Variants in RNLS observed in about 807,000 individuals in gnomAD.
RNLS encodes renalase, FAD dependent amine oxidase, also known as renalase.
Under a neutral mutation model 39.8 loss-of-function variants are expected in RNLS, and 39 were observed. The observed-to-expected ratio is 0.98, with a 90% CI of 0.76 to 1.28. RNLS has a LOEUF of 1.28. RNLS is among the 50% of genes most tolerant of loss of function. RNLS has a pLI of 0.00. For synonymous variants in RNLS, 147 were observed against 150.7 expected (o/e 0.98, Z 0.18); for missense variants, 410 against 413.3 (o/e 0.99, Z 0.07).
chr10:88,540,871 G>T (rs574720306), intron 4 of RNLS, among the ~76,000 whole-genome samples: 5 of 151,358 alleles, frequency 3.3e-5, no homozygotes, highest in African/African-American at 1.2e-4. Flanking sequence ...TTACTACAAA[G>T]AAAGATAATT....
intron 6 of RNLS, among the ~76,000 whole-genome samples, chr10:88,302,379 A>C (rs1388434743): frequency 6.6e-6 from 1 of 152,214 alleles, no homozygotes; most frequent in Non-Finnish European, 1.5e-5. Context: ...GTTGTCTTTC[A>C]AAGTACTTAT....
At position 88,575,379 on chromosome 10, in the gene RNLS, T is replaced by C. The variant is rs111846521; in HGVS notation, c.368-2318A>G. On this transcript the variant is annotated intron_variant, in intron 3 of 6. Coordinates refer to ENST00000331772, the MANE Select transcript of RNLS (RefSeq NM_001031709.3). ...ACATTCCTGGGCCCCAACCCGACCA[T>C]ACTGAATAAGAAACTCTGGGAATTG... Among the ~76,000 whole-genome samples the C allele has an allele frequency of 7.5e-4, 113 of 151,230 alleles. 1 individual carries two copies. Among genetic ancestry groups the C allele is most frequent in the African/African-American group, 2.7e-3 (110 of 41,176 alleles).
intron 4 of RNLS, among the ~76,000 whole-genome samples, chr10:88,454,689 G>T (rs1403861732): frequency 6.6e-6 from 1 of 152,188 alleles, no homozygotes; most frequent in Non-Finnish European, 1.5e-5. Flanking sequence ...ACATATTAAA[G>T]TCAATTACAA....
intron 4 of RNLS, among the ~76,000 whole-genome samples, chr10:88,565,640 A>G (rs1849448278): frequency 6.6e-6 from 1 of 152,092 alleles, no homozygotes; most frequent in Admixed American, 6.5e-5. Flanking sequence ...TTTTCATCAT[A>G]AAGAGCCTAC....
At chr10:88,437,455 G>A (rs1841475557) in intron 4 of RNLS, among the ~76,000 whole-genome samples, 1 of 152,082 alleles carries the variant, frequency 6.6e-6, no homozygotes, top group African/African-American at 2.4e-5. Context: ...TACAATCATT[G>A]TATCCAAGCT....
chr10:88,419,182 A>C (rs1457872378), intron 4 of RNLS, among the ~76,000 whole-genome samples: 1 of 152,206 alleles, frequency 6.6e-6, no homozygotes, highest in Admixed American at 6.5e-5. Context: ...CCTCCCACCC[A>C]CAGACATACT....
intron 5 of RNLS, among the ~76,000 whole-genome samples, chr10:88,342,805 A>T (rs1345481440): frequency 6.6e-6 from 1 of 152,124 alleles, no homozygotes; most frequent in Non-Finnish European, 1.5e-5. Flanking sequence ...GAGGAAAGAG[A>T]GGTGTGACTG....
At chr10:88,381,115 G>A (rs940455931) in intron 4 of RNLS, among the ~76,000 whole-genome samples, 1 of 152,066 alleles carries the variant, frequency 6.6e-6, no homozygotes, top group African/African-American at 2.4e-5. Flanking sequence ...AAATATCTTT[G>A]CAGATTTTAA....
chr10:88,330,152 TC>T (rs1323879906), intron 5 of RNLS, among the ~76,000 whole-genome samples: 1 of 148,702 alleles, frequency 6.7e-6, no homozygotes, highest in African/African-American at 2.4e-5. Flanking sequence ...ATATTATCTC[TC>T]TCTATATATA....
chr10:88,239,548 A>G, the RNLS span, among the ~76,000 whole-genome samples: 1 of 152,336 alleles, frequency 6.6e-6, no homozygotes, highest in African/African-American at 2.4e-5. Flanking sequence ...AAGCCAGATG[A>G]AGTTATCATC....
At chr10:88,462,628 T>C (rs1043838027) in intron 4 of RNLS, among the ~76,000 whole-genome samples, 9 of 151,888 alleles carry the variant, frequency 5.9e-5, no homozygotes, top group Non-Finnish European at 1.0e-4. Context: ...AAAAATGATT[T>C]TAATGAATGT....
chr10:88,266,711 A>ACACACACACACACACACACACACCC, the RNLS span, among the ~76,000 whole-genome samples: 5 of 150,810 alleles, frequency 3.3e-5, no homozygotes, highest in Non-Finnish European at 7.4e-5. Context: ...ACACACACAC[A>ACACACACACACACACACACACACCC]CACACACACA....
chr10:88,496,979 T>A (rs1418179309), intron 4 of RNLS, among the ~76,000 whole-genome samples: 2 of 152,146 alleles, frequency 1.3e-5, no homozygotes, highest in Admixed American at 1.3e-4. Flanking sequence ...GAATATATTG[T>A]TACCCTGGGA....
chr10:88,241,624 T>C, the RNLS span, among the ~76,000 whole-genome samples: 4 of 152,198 alleles, frequency 2.6e-5, no homozygotes, highest in African/African-American at 4.8e-5. Flanking sequence ...CCATTCATTC[T>C]TGACACCACC....
intron 6 of RNLS, among the ~76,000 whole-genome samples, chr10:88,291,794 A>G (rs557674915): frequency 6.0e-4 from 91 of 152,256 alleles, no homozygotes; most frequent in African/African-American, 2.1e-3. Context: ...GAAACAGATC[A>G]CATCAGGAGC....
chr10:88,347,954 T>C (rs1031099225), intron 5 of RNLS, among the ~76,000 whole-genome samples: 1 of 152,184 alleles, frequency 6.6e-6, no homozygotes, highest in East Asian at 1.9e-4. Flanking sequence ...GTAATTATAA[T>C]AGCAAAAGTA....
intron 6 of RNLS, among the ~76,000 whole-genome samples, chr10:88,311,167 T>C (rs1455858209): frequency 6.6e-6 from 1 of 152,042 alleles, no homozygotes; most frequent in East Asian, 1.9e-4. Flanking sequence ...TGAATGCAAA[T>C]CAGAAATTTA....
intron 4 of RNLS, among the ~76,000 whole-genome samples, chr10:88,423,007 T>C (rs7907732): frequency 0.64 from 97,066 of 151,974 alleles, 31,260 homozygotes; most frequent in African/African-American, 0.72. Flanking sequence ...CCTCACCCTC[T>C]CAAAGTGTTG....
chr10:88,215,383 A>C, the RNLS span, among the ~76,000 whole-genome samples: 2 of 152,240 alleles, frequency 1.3e-5, no homozygotes, highest in South Asian at 2.1e-4. Context: ...GTAAATAACA[A>C]ACCTTGGAAT....
Sources: allele counts gnomAD v4.1 joint callset (sites outside exome capture counted in the v4.1 genomes callset), GRCh38; gene constraint gnomAD v4.1.1; transcripts MANE v1.5; gene names NCBI Gene and HGNC (gene_info 2026-07-23, HGNC 2026-07-21).